The following THADA variants were observed in gnomAD, a reference collection of about 807,000 sequenced individuals.
THADA encodes the protein tRNA (32-2'-O)-methyltransferase regulator THADA.
A neutral mutation model predicts 219.8 loss-of-function variants in THADA; 213 were observed. The ratio of observed to expected loss-of-function variants is 0.97; its 90% confidence interval spans 0.87 to 1.09. THADA has a LOEUF of 1.09. Ranked by LOEUF, THADA falls within the 50% of genes least tolerant of loss-of-function variation. The probability of loss-of-function intolerance (pLI) is 0.00; values close to 1 mark genes in which losing one functional copy is unlikely to be tolerated. For missense variants in THADA, 2,956 were observed against 2,311.3 expected, an observed-to-expected ratio of 1.28 and a Z score of -5.72; for synonymous variants, 1,018 against 828.9, an observed-to-expected ratio of 1.23 and a Z score of -3.92.
chr2:43,291,454 C>CAAAAAAAAAAAAAAAAAAAAAAAA (rs765352765), intron 34 of THADA, among the ~76,000 whole-genome samples: 6 of 8,090 alleles, frequency 7.4e-4, no homozygotes, highest in African/African-American at 1.4e-3. Flanking sequence ...AACTCCATCT[C>CAAAAAAAAAAAAAAAAAAAAAAAA]AAAAAAAAAA....
At chr2:43,291,461 A>AAAAAAAAAAAAAAAAAAAAC in intron 34 of THADA, among the ~76,000 whole-genome samples, 1 of 142,920 alleles carries the variant, frequency 7.0e-6, no homozygotes, top group Non-Finnish European at 1.6e-5. Flanking sequence ...TCTCAAAAAA[A>AAAAAAAAAAAAAAAAAAAAC]AAAAAAAAAA....
chr2:43,567,519 C>T (rs953269649), intron 14 of THADA, among the ~76,000 whole-genome samples: 45 of 151,866 alleles, frequency 3.0e-4, no homozygotes, highest in South Asian at 2.1e-4. Flanking sequence ...CCCAGCTACT[C>T]GGGAGGCTGA....
At chr2:43,511,826 G>A (rs1022484066) in intron 22 of THADA, among the ~76,000 whole-genome samples, 1 of 152,170 alleles carries the variant, frequency 6.6e-6, no homozygotes, top group Non-Finnish European at 1.5e-5. Flanking sequence ...CATGGGATCA[G>A]TACAGTGTCA....
intron 29 of THADA, among the ~76,000 whole-genome samples, chr2:43,385,874 T>TAA (rs897054015): frequency 1.4e-5 from 2 of 144,488 alleles, no homozygotes; most frequent in Non-Finnish European, 1.5e-5. Context: ...CATTTGATAT[T>TAA]AAAAAAAAAA....
chr2:43,398,139 C>T lies in THADA; in HGVS notation c.4059G>A (p.Arg1353=), dbSNP rs56269749. ...SMGPFVPFIM[R]CGHSPVYHSR... ...AGTGGTAGACAGGTGAGTGACCACA[C>T]CTGGGGAGAAATAAAAACACAAGAC... Residue 1353 remains arginine (R), a splice_region_variant and synonymous_variant, in exon 29 of 38, where the codon AGG becomes AGA. Coordinates refer to ENST00000405975, the MANE Select transcript of THADA (RefSeq NM_022065.5). 10 of 1,613,282 alleles carry T rather than the reference C, an allele frequency of 6.2e-6. No homozygotes were observed. The highest frequency in any genetic ancestry group is 7.6e-6 in the Non-Finnish European group (9 of 1,179,502).
At chr2:43,362,468 T>A (rs1669641743) in intron 29 of THADA, among the ~76,000 whole-genome samples, 1 of 152,188 alleles carries the variant, frequency 6.6e-6, no homozygotes, top group African/African-American at 2.4e-5. Flanking sequence ...TATTTGTGTA[T>A]CTAAACATAG....
At chr2:43,448,988 C>T (rs1296123534) in intron 26 of THADA, among the ~76,000 whole-genome samples, 3 of 152,138 alleles carry the variant, frequency 2.0e-5, no homozygotes, top group Non-Finnish European at 4.4e-5. Context: ...CCAACAGGAA[C>T]TGGCCCTGAG....
intron 15 of THADA, among the ~76,000 whole-genome samples, chr2:43,561,775 A>G (rs1013159498): frequency 2.6e-5 from 4 of 152,000 alleles, no homozygotes; most frequent in Non-Finnish European, 5.9e-5. Context: ...TAGAACTTTC[A>G]GTACAATGGT....
intron 28 of THADA, among the ~76,000 whole-genome samples, chr2:43,408,840 T>C (rs574977299): frequency 6.6e-6 from 1 of 152,340 alleles, no homozygotes; most frequent in East Asian, 1.9e-4. Flanking sequence ...ATAATATTGA[T>C]GCTAATAATA....
chr2:43,573,302 T>C (rs534811908), intron 11 of THADA, among the ~76,000 whole-genome samples: 2 of 152,238 alleles, frequency 1.3e-5, no homozygotes, highest in African/African-American at 2.4e-5. Flanking sequence ...AATCAGGAAA[T>C]AAAATCAGGT....
At chr2:43,408,596 G>A (rs1675888639) in intron 28 of THADA, among the ~76,000 whole-genome samples, 1 of 152,126 alleles carries the variant, frequency 6.6e-6, no homozygotes, top group Non-Finnish European at 1.5e-5. Context: ...TCTTACGCAA[G>A]GCTACTTTTA....
intron 22 of THADA, among the ~76,000 whole-genome samples, chr2:43,512,314 T>C (rs1690584744): frequency 6.6e-6 from 1 of 152,132 alleles, no homozygotes; most frequent in Non-Finnish European, 1.5e-5. Flanking sequence ...GTGTGAACTC[T>C]ACCACCGGTT....
At chr2:43,560,079 C>A (rs1442386561) in intron 16 of THADA, among the ~76,000 whole-genome samples, 155 bp downstream of exon 16, 1 of 152,150 alleles carries the variant, frequency 6.6e-6, no homozygotes, top group Non-Finnish European at 1.5e-5. Flanking sequence ...CCACTAACCC[C>A]AAAATAGTAG....
At chr2:43,391,116 A>T (rs1673325674) in intron 29 of THADA, among the ~76,000 whole-genome samples, 1 of 152,168 alleles carries the variant, frequency 6.6e-6, no homozygotes, top group African/African-American at 2.4e-5. Context: ...CCTCCAGAAG[A>T]GGCTCTGTAG....
At chr2:43,362,601 T>C (rs1669659712) in intron 29 of THADA, among the ~76,000 whole-genome samples, 1 of 152,112 alleles carries the variant, frequency 6.6e-6, no homozygotes, top group Admixed American at 6.5e-5. Context: ...AGTGAGTGAG[T>C]GGTGAGTGAA....
rs1430262696 is a variant in THADA at position 43,541,539 on chromosome 2, C to G, written c.3107-223G>C. Reference sequence around the variant, plus strand: ...TTTTTCTTTTTTGGAGACAGGGTCTCGCTCTGTCACCCAGGCTGGGGTGCA... The same window carrying G: ...TTTTTCTTTTTTGGAGACAGGGTCTGGCTCTGTCACCCAGGCTGGGGTGCA... On this transcript the variant is annotated intron_variant, in intron 20 of 37. Coordinates refer to ENST00000405975, the MANE Select transcript of THADA (RefSeq NM_022065.5). 1.3e-5 allele frequency among the ~76,000 whole-genome samples: 2 copies of G among 151,672 alleles called. 1 individual carries two copies. The highest frequency in any genetic ancestry group is 1.3e-4 in the Admixed American group (2 of 15,234).
chr2:43,321,687 C>T (rs962327154), intron 30 of THADA, among the ~76,000 whole-genome samples: 1 of 152,224 alleles, frequency 6.6e-6, no homozygotes, highest in Admixed American at 6.5e-5. Flanking sequence ...ACAATACATA[C>T]ATTCTGTTAC....
intron 22 of THADA, among the ~76,000 whole-genome samples, chr2:43,524,038 T>C (rs775630158): frequency 1.9e-4 from 29 of 152,156 alleles, no homozygotes; most frequent in Non-Finnish European, 3.8e-4. Context: ...CACCAAAAAG[T>C]TGAATTTAGA....
At chr2:43,253,068 G>A (rs991315348) in intron 36 of THADA, among the ~76,000 whole-genome samples, 23 of 152,064 alleles carry the variant, frequency 1.5e-4, no homozygotes, top group African/African-American at 4.6e-4. Flanking sequence ...TCAAACTTCC[G>A]TCCCCCTCAA....
Sources: gnomAD v4.1 joint callset for allele counts (sites outside exome capture counted in the v4.1 genomes callset) on GRCh38, gnomAD v4.1.1 for gene constraint, MANE v1.5 for transcripts, NCBI Gene and HGNC (gene_info 2026-07-23, HGNC 2026-07-21) for gene names.